TTC13: variants seen among roughly 807,000 people sequenced by gnomAD.
TTC13 encodes tetratricopeptide repeat protein 13.
TTC13 carries 62 observed loss-of-function variants against 120.0 expected under a neutral mutation model. The observed-to-expected ratio is 0.52, with a 90% confidence interval of 0.42 to 0.64. The LOEUF is 0.64. TTC13 is among the 30% of genes least tolerant of loss of function. The pLI is 0.00. For synonymous variants in TTC13, 384 were observed against 393.5 expected (o/e 0.98, Z 0.28); for missense variants, 824 against 1,050.2 (o/e 0.78, Z 2.98).
At chr1:230,958,990 T>G (rs1487494468) in intron 2 of TTC13, among the ~76,000 whole-genome samples, 1 of 152,238 alleles carries the variant, frequency 6.6e-6, no homozygotes, top group African/African-American at 2.4e-5. Flanking sequence ...AGTGAGACTC[T>G]GTCTCAAAAA....
At chr1:230,947,426 G>A (rs1429747462) in intron 4 of TTC13, among the ~76,000 whole-genome samples, 1 of 152,162 alleles carries the variant, frequency 6.6e-6, no homozygotes, top group Non-Finnish European at 1.5e-5. Flanking sequence ...AGGCTGGGGT[G>A]GGAGGCGGTA....
chr1:230,976,962 G>A (rs1678375628), intron 1 of TTC13, among the ~76,000 whole-genome samples: 1 of 152,188 alleles, frequency 6.6e-6, no homozygotes, highest in Non-Finnish European at 1.5e-5. Flanking sequence ...AGGAGAAAGG[G>A]AAATTTACCC....
At chr1:230,952,854 G>A (rs1311119851) in intron 4 of TTC13, among the ~76,000 whole-genome samples, 4 of 152,012 alleles carry the variant, frequency 2.6e-5, no homozygotes, top group Non-Finnish European at 5.9e-5. Context: ...ATGTTAAAGT[G>A]GCAGAATTCG....
chr1:230,928,045 A>T (rs1023853638), intron 12 of TTC13, among the ~76,000 whole-genome samples: 1 of 151,998 alleles, frequency 6.6e-6, no homozygotes, highest in Admixed American at 6.6e-5. Context: ...TATTATATTA[A>T]GTTTTGCTAC....
intron 8 of TTC13, 54 bp downstream of exon 8, chr1:230,939,332 C>A: frequency 1.7e-6 from 2 of 1,147,288 alleles, no homozygotes; most frequent in South Asian, 1.6e-5. Context: ...TTCCTCCCAC[C>A]CACAAAAGAG....
intron 3 of TTC13, among the ~76,000 whole-genome samples, chr1:230,955,037 T>C (rs1046820275): frequency 6.6e-6 from 1 of 152,204 alleles, no homozygotes; most frequent in African/African-American, 2.4e-5. Context: ...TTTAGGAAAG[T>C]GGTATTTTGA....
intron 22 of TTC13, 102 bp downstream of exon 22, chr1:230,908,610 G>T: frequency 1.2e-6 from 1 of 820,686 alleles, no homozygotes; most frequent in Non-Finnish European, 2.0e-6. Flanking sequence ...TTATAAAAAT[G>T]AGTATAACAG....
intron 1 of TTC13, among the ~76,000 whole-genome samples, chr1:230,966,815 C>G (rs1017251663): frequency 6.6e-6 from 1 of 152,082 alleles, no homozygotes; most frequent in Non-Finnish European, 1.5e-5. Flanking sequence ...AAAATGAGCC[C>G]GAGGAACCTG....
Position 230,931,428 on chromosome 1 carries a change from C to T in TTC13, c.1170G>A (p.Met390Ile), listed in dbSNP as rs764521524. The T allele has an allele frequency of 1.9e-6, 3 of 1,614,248 alleles. No homozygotes were observed. Among genetic ancestry groups the T allele is most frequent in the Non-Finnish European group, 2.5e-6 (3 of 1,180,052 alleles). The change falls in exon 11 of 23, where the codon ATG becomes ATA. Residue 390 changes from methionine to isoleucine, a missense_variant. Coordinates refer to ENST00000366661, the MANE Select transcript of TTC13 (RefSeq NM_024525.5). ...CCATGGCAACATGGCTGAGCCCTTT[C>T]ATATACTGGCACACTTCATTATATG... The part of the protein sequence containing the change: ...LEPYNEVCQY[M>I]KGLSHVAMGQ...
chr1:230,967,125 C>A (rs1025241686), intron 1 of TTC13, among the ~76,000 whole-genome samples: 1 of 152,034 alleles, frequency 6.6e-6, no homozygotes, highest in African/African-American at 2.4e-5. Context: ...ATTATCTGCA[C>A]GTAATTTTAT....
Position 230,945,578 on chromosome 1 carries a change from G to A in TTC13, c.514-124C>T, listed in dbSNP as rs143653805. 453 of 837,930 alleles carry A rather than the reference G, an allele frequency of 5.4e-4. 2 individuals carry two copies. In the South Asian group the frequency reaches 5.7e-3, roughly 11 times the overall value. The allele number at this position is 837,930 out of a possible 1,614,324, so 51.9% of individuals were successfully genotyped here. ...CTACTTCTTTATGCTACGACCACTC[G>A]TAAGTCAATACGCAGTCTCCAACCT... On this transcript the variant is annotated intron_variant, in intron 4 of 22. Coordinates refer to ENST00000366661, the MANE Select transcript of TTC13 (RefSeq NM_024525.5).
chr1:230,923,523 T>C (rs1327758891), intron 15 of TTC13, among the ~76,000 whole-genome samples: 3 of 152,122 alleles, frequency 2.0e-5, no homozygotes, highest in Admixed American at 6.6e-5. Context: ...TGTAATGTTC[T>C]CCATCTAATA....
chr1:230,949,806 C>T (rs570385435), intron 4 of TTC13, among the ~76,000 whole-genome samples: 1 of 152,254 alleles, frequency 6.6e-6, no homozygotes, highest in South Asian at 2.1e-4. Flanking sequence ...CCACCATGCC[C>T]AGCTAATTTT....
chr1:230,918,368 A>G (rs971561752), intron 17 of TTC13, among the ~76,000 whole-genome samples: 6 of 152,206 alleles, frequency 3.9e-5, no homozygotes, highest in African/African-American at 1.4e-4. Context: ...CACATTCACC[A>G]TGATTTTACA....
intron 4 of TTC13, among the ~76,000 whole-genome samples, chr1:230,947,469 G>A (rs934002152): frequency 6.6e-6 from 1 of 152,034 alleles, no homozygotes. Context: ...GAGCAGGGGT[G>A]TCCAATCTTT....
chr1:230,975,278 G>C (rs1678166125), intron 1 of TTC13, among the ~76,000 whole-genome samples: 1 of 152,042 alleles, frequency 6.6e-6, no homozygotes, highest in African/African-American at 2.4e-5. Flanking sequence ...GGAAGCTGAG[G>C]CAGGACGATG....
In TTC13 at chr1:230,920,536, C is replaced by T; in HGVS notation, c.1957G>A (p.Val653Ile). The T allele has an allele frequency of 1.2e-6, 2 of 1,608,976 alleles. No homozygotes were observed. Among genetic ancestry groups the T allele is most frequent in the Middle Eastern group, 1.7e-4 (1 of 6,054 alleles). The change falls in exon 17 of 23, where the codon GTA becomes ATA. Residue 653 changes from valine to isoleucine, a missense_variant. By Grantham distance (29) the Val-to-Ile change is conservative. Coordinates refer to ENST00000366661, the MANE Select transcript of TTC13 (RefSeq NM_024525.5). ...VREALEKVHK[V>I]EDLLPIMKQF... Reference sequence around the variant, plus strand: ...TTCATAATCGGAAGAAGGTCTTCTACTTTGTGTACCTTTTCCAGGGCTTCC... The same window carrying T: ...TTCATAATCGGAAGAAGGTCTTCTATTTTGTGTACCTTTTCCAGGGCTTCC...
chr1:230,915,779 C>T (rs1015360675), intron 18 of TTC13, among the ~76,000 whole-genome samples: 4 of 97,156 alleles, frequency 4.1e-5, no homozygotes, highest in Admixed American at 9.0e-5. Flanking sequence ...AAGCTGTTTT[C>T]TCTCTCTCTC....
intron 7 of TTC13, among the ~76,000 whole-genome samples, chr1:230,939,697 C>T (rs560953170): frequency 1.3e-5 from 2 of 152,106 alleles, no homozygotes; most frequent in East Asian, 3.9e-4. Context: ...TTAAGAAAAG[C>T]GATTGTGAGA....
Sources: gnomAD v4.1 joint callset for allele counts (sites outside exome capture counted in the v4.1 genomes callset) on GRCh38, gnomAD v4.1.1 for gene constraint, MANE v1.5 for transcripts, NCBI Gene and HGNC (gene_info 2026-07-23, HGNC 2026-07-21) for gene names.